FKBP8: variants seen among roughly 807,000 people sequenced by gnomAD.
The protein encoded by FKBP8 is FKBP prolyl isomerase 8.
In FKBP8, 5 loss-of-function variants were observed where a neutral mutation model predicts 41.7. The observed-to-expected ratio is 0.12, with a 90% CI of 0.06 to 0.25. The LOEUF (loss-of-function observed/expected upper bound fraction) is 0.25. Ranked by LOEUF, FKBP8 falls within the 10% of genes least tolerant of loss-of-function variation. The pLI is 1.00. For synonymous variants in FKBP8, 279 were observed against 254.5 expected, an observed-to-expected ratio of 1.10 and a Z score of -0.92; for missense variants, 397 against 563.0, an observed-to-expected ratio of 0.71 and a Z score of 2.98.
At chr19:18,532,356 A>G (rs1482796528) in intron 8 of FKBP8, 101 bp from the exon 9 acceptor site, 2 of 1,170,704 alleles carry the variant, frequency 1.7e-6, no homozygotes, top group Non-Finnish European at 2.5e-6. Flanking sequence ...CCAACAAATC[A>G]TTGCCTGACT....
chr19:18,536,933 G>C (rs1976593122), intron 6 of FKBP8, among the ~76,000 whole-genome samples: 1 of 152,156 alleles, frequency 6.6e-6, no homozygotes, highest in South Asian at 2.1e-4. Context: ...TGGGAGAAGT[G>C]ATAGCAGGAG....
At chr19:18,536,111 C>T (rs1371853983) in intron 6 of FKBP8, 1 of 152,096 alleles carries the variant, frequency 6.6e-6, no homozygotes, top group Non-Finnish European at 1.5e-5. Context: ...TCATATTTCT[C>T]TGCAGAACTC....
At chr19:18,533,881 G>A (rs1321479196) in intron 6 of FKBP8, among the ~76,000 whole-genome samples, 2 of 151,016 alleles carry the variant, frequency 1.3e-5, no homozygotes, top group South Asian at 2.1e-4. Context: ...GGTGGCGGGC[G>A]CCTGATAGTC....
chr19:18,532,498 T>C (rs766519565), intron 8 of FKBP8, 166 bp downstream of exon 8: 8 of 1,145,094 alleles, frequency 7.0e-6, no homozygotes, highest in Non-Finnish European at 8.6e-6. Flanking sequence ...CCAGCTTGAG[T>C]TCCACCTTCG....
At position 18,532,886 on chromosome 19, in the gene FKBP8, G is replaced by C. The variant is rs796644656; in HGVS notation, c.1024-91C>G. 1.2e-5 allele frequency: 18 copies of C among 1,549,526 alleles called. No individual in the cohort carries two copies. The African/African-American group carries it at 2.4e-4, about 21-fold the overall frequency. On this transcript the variant is annotated intron_variant, in intron 7 of 8. Transcript: ENST00000608443. ...ACTGGGACCCTAGGCTGTTTGGGTG[G>C]TGGGACTGTTGGGACACAGGGGTCC...
In FKBP8 at chr19:18,532,121, C is replaced by T. The variant is rs745694170; in HGVS notation, c.*48G>A. On this transcript the variant is annotated 3_prime_UTR_variant, in exon 9 of 9. Coordinates refer to ENST00000608443, the MANE Select transcript of FKBP8 (RefSeq NM_012181.5). ...GGGAGCCTGGGGGAGTTGGGGAGCGCAGGGCAGGGTCCATGGTGTGCAGAG... is the reference window on the plus strand; with the variant it reads ...GGGAGCCTGGGGGAGTTGGGGAGCGTAGGGCAGGGTCCATGGTGTGCAGAG... 1.3e-5 allele frequency: 19 copies of T among 1,491,838 alleles called. No individual in the cohort carries two copies. The highest frequency in any genetic ancestry group is 7.8e-5 in the Admixed American group (4 of 51,134). The allele number at this position is 1,491,838 out of a possible 1,614,324, so 92.4% of individuals were successfully genotyped here.
At chr19:18,536,312 G>C (rs1414136773) in intron 6 of FKBP8, 4 of 152,162 alleles carry the variant, frequency 2.6e-5, no homozygotes, top group Admixed American at 2.6e-4. Context: ...GGTCAAGTCT[G>C]TGCAAGCCAG....
chr19:18,541,639 G>A (rs1319377803), intron 2 of FKBP8, 40 bp downstream of exon 2: 1 of 1,563,498 alleles, frequency 6.4e-7, no homozygotes. Context: ...GGACGAGAGG[G>A]CCAGGGCCAA....
At chr19:18,541,512 C>T (rs1195360632) in intron 2 of FKBP8, among the ~76,000 whole-genome samples, 167 bp downstream of exon 2, 1 of 152,160 alleles carries the variant, frequency 6.6e-6, no homozygotes, top group Non-Finnish European at 1.5e-5. Flanking sequence ...GTGTGTGAGT[C>T]AGTGGATAGA....
At chr19:18,534,332 A>C (rs944201400) in intron 6 of FKBP8, among the ~76,000 whole-genome samples, 3 of 152,152 alleles carry the variant, frequency 2.0e-5, no homozygotes, top group African/African-American at 7.2e-5. Flanking sequence ...AACAAAAAAA[A>C]CAGCCAGGCT....
At chr19:18,535,479 G>A (rs997861732) in intron 6 of FKBP8, among the ~76,000 whole-genome samples, 2 of 152,136 alleles carry the variant, frequency 1.3e-5, no homozygotes, top group African/African-American at 4.8e-5. Context: ...GTTGCTAAGG[G>A]GAGAAGATGG....
chr19:18,539,307 G>A (rs1976648175), intron 4 of FKBP8, 64 bp downstream of exon 4: 4 of 1,437,002 alleles, frequency 2.8e-6, no homozygotes, highest in South Asian at 1.2e-5. Flanking sequence ...GAGCCGAGGG[G>A]TACACCCACT....
chr19:18,538,015 C>T lies in FKBP8; in HGVS notation c.772+201G>A. 1 of 686,714 alleles carries T rather than the reference C, an allele frequency of 1.5e-6. No individual in the cohort carries two copies. The highest frequency in any genetic ancestry group is 2.4e-6 in the Non-Finnish European group (1 of 412,464). 42.5% of individuals were successfully genotyped at this position (686,714 alleles called of 1,614,324 possible). On this transcript the variant is annotated intron_variant, in intron 5 of 8. Transcript: ENST00000608443. This position sits in a 1 kb window ranked among gnomAD's most constrained non-coding sequence, Gnocchi z 4.0. ...TATGGTCACCCCATCCCCATATCCA[C>T]TTGCATTCTACAACACTCCACTGGT...
At chr19:18,534,552 C>T (rs887815153) in intron 6 of FKBP8, among the ~76,000 whole-genome samples, 3 of 152,048 alleles carry the variant, frequency 2.0e-5, no homozygotes, top group Middle Eastern at 3.4e-3. Context: ...GGCGAGAGGC[C>T]GAATGGATGC....
At chr19:18,540,247 G>A (rs1055261979) in intron 2 of FKBP8, among the ~76,000 whole-genome samples, 5 of 152,124 alleles carry the variant, frequency 3.3e-5, no homozygotes, top group African/African-American at 9.7e-5. Context: ...TGGGACCTTT[G>A]GTTAGCAGAG....
At chr19:18,543,263 C>A in intron 1 of FKBP8, 1 of 138,890 alleles carries the variant, frequency 7.2e-6, no homozygotes, top group South Asian at 1.1e-4. Flanking sequence ...TCGGGACCCC[C>A]CCACTGGATC....
chr19:18,535,496 G>A (rs572668545), intron 6 of FKBP8, among the ~76,000 whole-genome samples: 1 of 152,126 alleles, frequency 6.6e-6, no homozygotes, highest in South Asian at 2.1e-4. Flanking sequence ...ATGGAGCTGG[G>A]CGAAGTGGCT....
intron 6 of FKBP8, among the ~76,000 whole-genome samples, chr19:18,535,775 G>A (rs936032185): frequency 6.6e-6 from 1 of 151,356 alleles, no homozygotes; most frequent in Non-Finnish European, 1.5e-5. Flanking sequence ...TAACTTTCCA[G>A]GGGGGAGGGG....
At position 18,538,054 on chromosome 19, in the gene FKBP8, C is replaced by T. The variant is rs147883360; in HGVS notation, c.772+162G>A. 3 of 793,474 alleles carry T rather than the reference C, an allele frequency of 3.8e-6. No individual in the cohort carries two copies. The highest frequency in any genetic ancestry group is 1.7e-5 in the African/African-American group (1 of 57,890). The allele number at this position is 793,474 out of a possible 1,614,324, so 49.2% of individuals were successfully genotyped here. A position where few individuals can be genotyped will look rare whatever the true frequency, so the allele number is the denominator to read the frequency against. On this transcript the variant is annotated intron_variant, in intron 5 of 8. Coordinates refer to ENST00000608443, the MANE Select transcript of FKBP8 (RefSeq NM_012181.5). This position sits in a 1 kb window ranked among gnomAD's most constrained non-coding sequence, Gnocchi z 4.0. ...CACTCCACTGGTCTGGGATATACCA[C>T]GAGTCTGTAACAGGCCCTAGCTTAG...
Sources: allele counts gnomAD v4.1 joint callset (sites outside exome capture counted in the v4.1 genomes callset), GRCh38; gene constraint gnomAD v4.1.1; non-coding constraint Gnocchi (gnomAD v3.1); transcripts MANE v1.5; gene names NCBI Gene and HGNC (gene_info 2026-07-23, HGNC 2026-07-21).